Variants in CSNK1A1 observed in about 807,000 individuals in gnomAD.
CSNK1A1 encodes casein kinase 1 alpha 1.
Under a neutral mutation model 46.1 loss-of-function variants are expected in CSNK1A1, and 7 were observed. The ratio of observed to expected loss-of-function variants is 0.15; its 90% confidence interval spans 0.09 to 0.29. The LOEUF (loss-of-function observed/expected upper bound fraction) is 0.29, where lower values mean the gene tolerates loss of function less well. Ranked by LOEUF, CSNK1A1 falls within the 10% of genes least tolerant of loss-of-function variation. CSNK1A1 has a pLI of 1.00. For synonymous variants in CSNK1A1, 137 were observed against 141.5 expected, an observed-to-expected ratio of 0.97 and a Z score of 0.23; for missense variants, 96 against 417.1, an observed-to-expected ratio of 0.23 and a Z score of 6.71.
intron 9 of CSNK1A1, chr5:149,498,264 G>A (rs1760720288): frequency 1.9e-5 from 19 of 984,880 alleles, no homozygotes; most frequent in Non-Finnish European, 2.3e-5. Context: ...ACATACAAGA[G>A]AGTAGGTGCA....
At chr5:149,530,343 A>C (rs1761855384) in intron 2 of CSNK1A1, among the ~76,000 whole-genome samples, 1 of 152,238 alleles carries the variant, frequency 6.6e-6, no homozygotes, top group East Asian at 1.9e-4. Context: ...AGACATCAGG[A>C]AGCATCTATT....
Position 149,493,383 on chromosome 5 carries a change from T to A in CSNK1A1, c.*3470A>T, listed in dbSNP as rs923555211. 1.0e-4 allele frequency: 12 copies of A among 118,068 alleles called. No homozygotes were observed. Among genetic ancestry groups the A allele is most frequent in the East Asian group, 3.5e-4 (1 of 2,828 alleles). 7.3% of individuals were successfully genotyped at this position (118,068 alleles called of 1,614,324 possible). A position where few individuals can be genotyped will look rare whatever the true frequency, so the allele number is the denominator to read the frequency against. On this transcript the variant is annotated 3_prime_UTR_variant, in exon 10 of 10. Coordinates refer to ENST00000377843, the MANE Select transcript of CSNK1A1 (RefSeq NM_001892.6). Reference sequence around the variant, plus strand: ...CCACTTTTTTTTTTTTTTTTTTTTTTAGATTTCCTTTGTGGCACCATAATA... The same window carrying A: ...CCACTTTTTTTTTTTTTTTTTTTTTAAGATTTCCTTTGTGGCACCATAATA...
At chr5:149,536,867 T>G (rs1052485411) in intron 2 of CSNK1A1, among the ~76,000 whole-genome samples, 1 of 152,224 alleles carries the variant, frequency 6.6e-6, no homozygotes, top group Non-Finnish European at 1.5e-5. Context: ...CCAAGAATAC[T>G]GGACCAGCAG....
rs2113128822 is a variant in CSNK1A1 at position 149,525,874 on chromosome 5, A to G, written c.231-703T>C. 6.6e-6 allele frequency among the ~76,000 whole-genome samples: 1 copy of G among 152,348 alleles called. No homozygotes were observed. The highest frequency in any genetic ancestry group is 1.9e-4 in the East Asian group (1 of 5,186). ...AAATTTTGATGCCTATGATTCTGGT[A>G]AGAGTACTTTCCTTAAAATAAGCAC... On this transcript the variant is annotated intron_variant, in intron 2 of 9. Coordinates refer to ENST00000377843, the MANE Select transcript of CSNK1A1 (RefSeq NM_001892.6). The surrounding 1 kb of genome is among the most constrained non-coding windows in gnomAD (Gnocchi z 4.2).
rs1281217969 is a variant in CSNK1A1 at position 149,509,959 on chromosome 5, G to A, written c.676-6C>T. 3 of 1,588,618 alleles carry A rather than the reference G, an allele frequency of 1.9e-6. No individual in the cohort carries two copies. Among genetic ancestry groups the A allele is most frequent in the Non-Finnish European group, 2.6e-6 (3 of 1,163,222 alleles). On this transcript the variant is annotated splice_polypyrimidine_tract_variant and splice_region_variant and intron_variant, in intron 6 of 9. Coordinates refer to ENST00000377843, the MANE Select transcript of CSNK1A1 (RefSeq NM_001892.6). ...TTTTGTTTCTTTGTTGCAGCCTGTG[G>A]AAAAGAATAAAATAAAAAAGATATA... is the stretch of plus-strand genomic sequence containing the variant.
chr5:149,540,191 A>G (rs946675612), intron 2 of CSNK1A1, among the ~76,000 whole-genome samples: 5 of 152,212 alleles, frequency 3.3e-5, no homozygotes, highest in Non-Finnish European at 5.9e-5. Flanking sequence ...ACAAGTAAGA[A>G]CTGACTTTAC....
rs1580811386 is a variant in CSNK1A1 at position 149,495,543 on chromosome 5, C to T, written c.*1310G>A. 1 of 152,196 alleles carries T rather than the reference C, an allele frequency of 6.6e-6. No individual in the cohort carries two copies. Among genetic ancestry groups the T allele is most frequent in the South Asian group, 2.1e-4 (1 of 4,818 alleles). 9.4% of individuals were successfully genotyped at this position (152,196 alleles called of 1,614,324 possible). On this transcript the variant is annotated 3_prime_UTR_variant, in exon 10 of 10. Coordinates refer to ENST00000377843, the MANE Select transcript of CSNK1A1 (RefSeq NM_001892.6). ...TGGGGAGGGTCAACAATCACTGAACCTCACACAGTGTGATGCTCTCCAAGG... is the reference window on the plus strand; with the variant it reads ...TGGGGAGGGTCAACAATCACTGAACTTCACACAGTGTGATGCTCTCCAAGG...
chr5:149,531,025 T>C (rs1244174629), intron 2 of CSNK1A1, among the ~76,000 whole-genome samples: 1 of 151,524 alleles, frequency 6.6e-6, no homozygotes, highest in Non-Finnish European at 1.5e-5. Context: ...TGTTCCCTTT[T>C]CTCTAAAATC....
intron 2 of CSNK1A1, among the ~76,000 whole-genome samples, chr5:149,532,923 T>C (rs1020800999): frequency 6.6e-6 from 1 of 152,210 alleles, no homozygotes; most frequent in Non-Finnish European, 1.5e-5. Flanking sequence ...TTGAGATAAA[T>C]AGCCTGTAGA....
At chr5:149,502,533 GT>G (rs1313886050) in intron 9 of CSNK1A1, 64 of 131,514 alleles carry the variant, frequency 4.9e-4, no homozygotes, top group African/African-American at 1.7e-3. Context: ...GGGGGGGGGG[GT>G]TGGGGACGAT....
intron 2 of CSNK1A1, among the ~76,000 whole-genome samples, chr5:149,548,353 G>A (rs1481002221): frequency 6.6e-6 from 1 of 151,764 alleles, no homozygotes; most frequent in East Asian, 1.9e-4. Flanking sequence ...GATCACCTGA[G>A]GTCAGGAGGT....
intron 9 of CSNK1A1, chr5:149,501,263 G>GT: frequency 1.0e-6 from 1 of 984,942 alleles, no homozygotes; most frequent in African/African-American, 1.7e-5. Context: ...ACTGTCCACA[G>GT]TAAAAAAAAA....
At chr5:149,502,922 C>T in intron 9 of CSNK1A1, 1 of 579,520 alleles carries the variant, frequency 1.7e-6, no homozygotes, top group Non-Finnish European at 2.2e-6. Context: ...GTGCACGCCA[C>T]CACACCTGGC....
Position 149,496,760 on chromosome 5 carries a change from C to T in CSNK1A1, c.*93G>A. The T allele has an allele frequency of 2.0e-6, 3 of 1,499,728 alleles. No individual in the cohort carries two copies. The highest frequency in any genetic ancestry group is 1.8e-6 in the Non-Finnish European group (2 of 1,121,798). 92.9% of individuals were successfully genotyped at this position (1,499,728 alleles called of 1,614,324 possible). ...GTAAATGGTTGTCCACAACCACTGG[C>T]TAGTGTACATATGAACTAAAATTTC... On this transcript the variant is annotated 3_prime_UTR_variant, in exon 10 of 10. Coordinates refer to ENST00000377843, the MANE Select transcript of CSNK1A1 (RefSeq NM_001892.6).
intron 2 of CSNK1A1, chr5:149,545,478 G>T: frequency 3.6e-6 from 2 of 559,192 alleles, no homozygotes; most frequent in Non-Finnish European, 6.5e-6. Flanking sequence ...GTTGATCCTT[G>T]GCCTTTGGCC....
intron 2 of CSNK1A1, among the ~76,000 whole-genome samples, chr5:149,544,735 CTTTATATATATA>C (rs1435562497): frequency 4.6e-5 from 1 of 21,688 alleles, no homozygotes; most frequent in East Asian, 2.0e-3. Flanking sequence ...GGGTAAAGAG[CTTTATATATATA>C]TATATATATA....
chr5:149,498,986 G>A, intron 9 of CSNK1A1: 1 of 985,354 alleles, frequency 1.0e-6, no homozygotes, highest in Non-Finnish European at 1.2e-6. Flanking sequence ...AATATTCCTG[G>A]TAGAATAGAG....
intron 7 of CSNK1A1, among the ~76,000 whole-genome samples, chr5:149,508,843 A>C (rs1345861023): frequency 6.6e-6 from 1 of 152,240 alleles, no homozygotes; most frequent in East Asian, 1.9e-4. Context: ...TTTTCAACAG[A>C]TTAGAGAGCC....
chr5:149,508,447 T>C (rs1039819218), intron 7 of CSNK1A1, among the ~76,000 whole-genome samples: 1 of 152,230 alleles, frequency 6.6e-6, no homozygotes, highest in African/African-American at 2.4e-5. Flanking sequence ...TATTTATTTG[T>C]ATACTGCTTT....
Sources: allele counts gnomAD v4.1 joint callset (sites outside exome capture counted in the v4.1 genomes callset), GRCh38; gene constraint gnomAD v4.1.1; non-coding constraint Gnocchi (gnomAD v3.1); transcripts MANE v1.5; gene names NCBI Gene and HGNC (gene_info 2026-07-23, HGNC 2026-07-21).